CA10: variants seen among roughly 807,000 people sequenced by gnomAD.
CA10 encodes the protein carbonic anhydrase 10 (inactive).
Under a neutral mutation model 44.2 loss-of-function variants are expected in CA10, and 14 were observed. The ratio of observed to expected loss-of-function variants is 0.32; its 90% confidence interval spans 0.21 to 0.50. The LOEUF (loss-of-function observed/expected upper bound fraction) is 0.50. Among genes scored for constraint, CA10 ranks in the 20% least tolerant of loss-of-function variants. The pLI, the probability that CA10 is intolerant of heterozygous loss-of-function variation, is 0.99. For synonymous variants in CA10, 159 were observed against 141.6 expected (o/e 1.12, Z -0.87); for missense variants, 350 against 409.7 (o/e 0.85, Z 1.26).
intron 3 of CA10, among the ~76,000 whole-genome samples, chr17:51,770,654 T>C (rs1349348422): frequency 2.0e-5 from 3 of 152,044 alleles, no homozygotes; most frequent in Non-Finnish European, 4.4e-5. Context: ...AGAGGTTTAG[T>C]TGGCTCATGG....
chr17:51,777,647 A>G (rs1905875959), intron 3 of CA10, among the ~76,000 whole-genome samples: 1 of 152,192 alleles, frequency 6.6e-6, no homozygotes, highest in South Asian at 2.1e-4. Context: ...CAAATTGCAG[A>G]TATTAATATT....
At chr17:52,155,593 T>C (rs1025950440) in intron 1 of CA10, among the ~76,000 whole-genome samples, 1 of 152,236 alleles carries the variant, frequency 6.6e-6, no homozygotes, top group African/African-American at 2.4e-5. Flanking sequence ...GAGGCCACCC[T>C]GACCATGGAG....
chr17:51,803,145 A>G (rs1478710216), intron 3 of CA10, among the ~76,000 whole-genome samples: 2 of 152,050 alleles, frequency 1.3e-5, no homozygotes, highest in African/African-American at 4.8e-5. Context: ...ATAGTTTTCA[A>G]CTCTCTGATT....
chr17:51,723,710 G>A (rs1916427414), intron 4 of CA10, among the ~76,000 whole-genome samples: 1 of 152,210 alleles, frequency 6.6e-6, no homozygotes, highest in Non-Finnish European at 1.5e-5. Flanking sequence ...CATGCTTGCT[G>A]ACCCTTTTAT....
intron 3 of CA10, among the ~76,000 whole-genome samples, chr17:51,839,975 A>G (rs890072968): frequency 6.6e-6 from 1 of 152,192 alleles, no homozygotes; most frequent in African/African-American, 2.4e-5. Flanking sequence ...GTAAATACTC[A>G]ACTCCTTTTA....
chr17:51,816,076 CT>C (rs1907556037), intron 3 of CA10, among the ~76,000 whole-genome samples: 1 of 152,174 alleles, frequency 6.6e-6, no homozygotes, highest in African/African-American at 2.4e-5. Context: ...CCCCGGCCCC[CT>C]GCTACCCTTT....
At chr17:51,947,380 G>A (rs1450466720) in intron 2 of CA10, among the ~76,000 whole-genome samples, 1 of 152,078 alleles carries the variant, frequency 6.6e-6, no homozygotes, top group African/African-American at 2.4e-5. Flanking sequence ...CCTGAGGTTT[G>A]TAAACACAGC....
At chr17:51,639,858 T>G (rs779855862) in intron 6 of CA10, among the ~76,000 whole-genome samples, 1 of 152,124 alleles carries the variant, frequency 6.6e-6, no homozygotes, top group Non-Finnish European at 1.5e-5. Flanking sequence ...GTTTCTACAT[T>G]TGCAATAAGC....
intron 4 of CA10, among the ~76,000 whole-genome samples, chr17:51,694,494 G>GTT (rs1567806293): frequency 3.5e-5 from 5 of 143,524 alleles, no homozygotes; most frequent in African/African-American, 1.4e-4. Flanking sequence ...TTTTTAATGG[G>GTT]GTTTTTTTTT....
chr17:51,891,433 CAG>C (rs1567875117), intron 3 of CA10, among the ~76,000 whole-genome samples: 1 of 152,156 alleles, frequency 6.6e-6, no homozygotes, highest in Non-Finnish European at 1.5e-5. Flanking sequence ...GGCCTTGAAA[CAG>C]AGGTGGTAAT....
intron 2 of CA10, among the ~76,000 whole-genome samples, chr17:52,007,765 G>T (rs1985651337): frequency 6.6e-6 from 1 of 151,192 alleles, no homozygotes; most frequent in Non-Finnish European, 1.5e-5. Context: ...GAATTGGGTA[G>T]CATTCTTTAT....
chr17:51,858,941 G>A (rs1979175776), intron 3 of CA10, among the ~76,000 whole-genome samples: 1 of 151,914 alleles, frequency 6.6e-6, no homozygotes, highest in African/African-American at 2.4e-5. Context: ...CAAAGTCTCG[G>A]TGTTCCCATT....
At chr17:52,132,064 G>C (rs1426986711) in intron 1 of CA10, among the ~76,000 whole-genome samples, 1 of 151,862 alleles carries the variant, frequency 6.6e-6, no homozygotes, top group Non-Finnish European at 1.5e-5. Flanking sequence ...AATGCTAAAT[G>C]ATGAGTTAAT....
At chr17:51,643,214 A>T (rs1913168306) in intron 6 of CA10, among the ~76,000 whole-genome samples, 2 of 151,758 alleles carry the variant, frequency 1.3e-5, no homozygotes, top group Non-Finnish European at 2.9e-5. Context: ...GAAATTGGGT[A>T]GATAATAAAA....
intron 1 of CA10, among the ~76,000 whole-genome samples, chr17:52,126,425 G>A (rs1989121565): frequency 6.6e-6 from 1 of 152,300 alleles, no homozygotes; most frequent in Non-Finnish European, 1.5e-5. Context: ...TTAGATGTTT[G>A]AAAATGAGCA....
At chr17:51,639,182 G>A (rs902206204) in intron 6 of CA10, among the ~76,000 whole-genome samples, 1 of 152,202 alleles carries the variant, frequency 6.6e-6, no homozygotes, top group African/African-American at 2.4e-5. Flanking sequence ...TATTGAATAA[G>A]AGAAGGAAGC....
chr17:52,157,891 G>C lies in CA10; in HGVS notation c.-105C>G. 1 of 890,732 alleles carries C rather than the reference G, an allele frequency of 1.1e-6. No individual in the cohort carries two copies. Among genetic ancestry groups the C allele is most frequent in the Non-Finnish European group, 1.9e-6 (1 of 527,486 alleles). 55.2% of individuals were successfully genotyped at this position (890,732 alleles called of 1,614,324 possible). ...CACACTCGCACACACTTCCGAGCGA[G>C]TGCACACTCGCACTCCCACCCGACA... On this transcript the variant is annotated 5_prime_UTR_variant, in exon 1 of 9. Coordinates refer to ENST00000451037, the MANE Select transcript of CA10 (RefSeq NM_020178.5).
chr17:51,688,093 G>A (rs1404276618), intron 4 of CA10, among the ~76,000 whole-genome samples: 2 of 152,182 alleles, frequency 1.3e-5, no homozygotes, highest in Non-Finnish European at 2.9e-5. Flanking sequence ...GAACACTCAA[G>A]CAGCCCTATG....
intron 3 of CA10, among the ~76,000 whole-genome samples, chr17:51,819,884 C>A (rs1436706444): frequency 2.2e-4 from 33 of 152,150 alleles, no homozygotes; most frequent in Admixed American, 2.2e-3. Context: ...GTCTTTCTCT[C>A]CCTCTGTTTC....
Sources: allele counts gnomAD v4.1 joint callset (sites outside exome capture counted in the v4.1 genomes callset), GRCh38; gene constraint gnomAD v4.1.1; transcripts MANE v1.5; gene names NCBI Gene and HGNC (gene_info 2026-07-23, HGNC 2026-07-21).